PDE8A: variants seen among roughly 807,000 people sequenced by gnomAD.
The protein encoded by PDE8A is high affinity cAMP-specific and IBMX-insensitive 3',5'-cyclic phosphodiesterase 8A.
PDE8A carries 59 observed loss-of-function variants against 105.0 expected under a neutral mutation model. The observed-to-expected ratio is 0.56, with a 90% CI of 0.46 to 0.70. The LOEUF (loss-of-function observed/expected upper bound fraction) is 0.70, where lower values mean the gene tolerates loss of function less well. PDE8A is among the 30% of genes least tolerant of loss of function. PDE8A has a pLI of 0.00. For missense variants in PDE8A, 1,014 were observed against 1,045.9 expected, an observed-to-expected ratio of 0.97 and a Z score of 0.42; for synonymous variants, 355 against 371.9, an observed-to-expected ratio of 0.95 and a Z score of 0.52.
At chr15:85,098,962 G>GA (rs967484150) in intron 9 of PDE8A, among the ~76,000 whole-genome samples, 153 of 135,308 alleles carry the variant, frequency 1.1e-3, no homozygotes, top group African/African-American at 2.0e-3. Context: ...GTCTCAAAAG[G>GA]AAAAAAAAAA....
At chr15:85,128,794 T>G (rs1245494936) in intron 20 of PDE8A, among the ~76,000 whole-genome samples, 1 of 152,176 alleles carries the variant, frequency 6.6e-6, no homozygotes, top group East Asian at 1.9e-4. Context: ...CTGAACATCA[T>G]TAGTCATCTG....
chr15:85,129,122 A>G (rs2082297235), intron 20 of PDE8A, among the ~76,000 whole-genome samples: 1 of 152,212 alleles, frequency 6.6e-6, no homozygotes, highest in African/African-American at 2.4e-5. Context: ...GTCATTGTGT[A>G]TAATCCTTTA....
chr15:85,068,908 A>G (rs567876844), intron 3 of PDE8A, among the ~76,000 whole-genome samples: 1 of 152,360 alleles, frequency 6.6e-6, no homozygotes, highest in Non-Finnish European at 1.5e-5. Flanking sequence ...ACATAACATT[A>G]ACTTTATGTT....
intron 1 of PDE8A, among the ~76,000 whole-genome samples, chr15:85,011,604 C>T (rs1403897738): frequency 6.6e-6 from 1 of 152,130 alleles, no homozygotes; most frequent in East Asian, 1.9e-4. Flanking sequence ...TAGAAGAAAA[C>T]CTAGGCATTA....
chr15:85,009,110 AGTGT>A (rs56313426), intron 1 of PDE8A, among the ~76,000 whole-genome samples: 7,076 of 63,970 alleles, frequency 0.11, 193 homozygotes, highest in South Asian at 0.23. Context: ...AGAGAGAGAG[AGTGT>A]GTGTGTGTGT....
At chr15:85,000,520 C>T (rs910537217) in intron 1 of PDE8A, among the ~76,000 whole-genome samples, 5 of 152,120 alleles carry the variant, frequency 3.3e-5, no homozygotes, top group Admixed American at 3.3e-4. Context: ...TTACTGTGCT[C>T]AGTTTCTGCT....
chr15:85,100,080 G>C lies in PDE8A; in HGVS notation c.993+14G>C, dbSNP rs1567284989. On this transcript the variant is annotated intron_variant, in intron 10 of 21. Coordinates refer to ENST00000394553, the MANE Select transcript of PDE8A (RefSeq NM_002605.3). ...GGCAACAATAAGGTACGTAAGGAGA[G>C]CCCCCCGGGGCCCCAGGAACACCCC... The C allele has an allele frequency of 6.2e-7, 1 of 1,612,928 alleles. No homozygotes were observed. Among genetic ancestry groups the C allele is most frequent in the South Asian group, 1.1e-5 (1 of 90,968 alleles).
chr15:85,079,112 T>C (rs1207930256), intron 5 of PDE8A, among the ~76,000 whole-genome samples: 1 of 152,228 alleles, frequency 6.6e-6, no homozygotes, highest in Non-Finnish European at 1.5e-5. Context: ...TCTTTCTTTA[T>C]AGATGTACCC....
chr15:84,996,510 A>G (rs1290487864), intron 1 of PDE8A, among the ~76,000 whole-genome samples: 1 of 152,062 alleles, frequency 6.6e-6, no homozygotes, highest in Non-Finnish European at 1.5e-5. Flanking sequence ...TAGAAAAAGT[A>G]TAATAAAAAT....
At chr15:85,126,670 C>T (rs28679569) in intron 20 of PDE8A, among the ~76,000 whole-genome samples, 48,388 of 151,440 alleles carry the variant, frequency 0.32, 8,036 homozygotes, top group South Asian at 0.48. Flanking sequence ...TAGAAAAAAC[C>T]TCTCTTGGGG....
intron 3 of PDE8A, among the ~76,000 whole-genome samples, chr15:85,071,562 G>A (rs776313389): frequency 2.6e-5 from 4 of 152,202 alleles, no homozygotes; most frequent in Non-Finnish European, 5.9e-5. Context: ...TTCAGTTTGA[G>A]AATCAGAGAG....
intron 1 of PDE8A, among the ~76,000 whole-genome samples, chr15:84,999,598 C>T (rs554293916): frequency 3.3e-5 from 5 of 151,178 alleles, no homozygotes; most frequent in Admixed American, 6.6e-5. Flanking sequence ...GTTTTTGAGA[C>T]GGAGTCTCGC....
chr15:85,088,033 T>C (rs976941606), intron 6 of PDE8A, among the ~76,000 whole-genome samples: 2 of 152,196 alleles, frequency 1.3e-5, no homozygotes, highest in African/African-American at 4.8e-5. Flanking sequence ...GTCATCACAA[T>C]TTTAGAACAT....
In PDE8A at chr15:85,137,834, C is replaced by T; in HGVS notation, c.2421C>T (p.Asp807=). ...TGCCTGATTTAATGCAGCATCTTGA[C>T]AACAACTTTAAATACTGGAAAGGAC... ...VDLPDLMQHL[D]NNFKYWKGLD... Residue 807 remains aspartate (D), a synonymous_variant, in exon 22 of 22, where the codon GAC becomes GAT. Coordinates refer to ENST00000394553, the MANE Select transcript of PDE8A (RefSeq NM_002605.3). 6.2e-7 allele frequency: 1 copy of T among 1,613,650 alleles called. No individual in the cohort carries two copies. The highest frequency in any genetic ancestry group is 8.5e-7 in the Non-Finnish European group (1 of 1,179,538).
intron 1 of PDE8A, chr15:85,062,834 C>T (rs1028139777): frequency 1.3e-5 from 2 of 152,226 alleles, no homozygotes; most frequent in African/African-American, 2.4e-5. Flanking sequence ...GCAATATTGT[C>T]TAGGTGGGGA....
intron 1 of PDE8A, among the ~76,000 whole-genome samples, chr15:84,987,878 TA>T (rs1054579748): frequency 2.6e-5 from 4 of 151,846 alleles, no homozygotes; most frequent in Non-Finnish European, 4.4e-5. Flanking sequence ...TAAAAAATTT[TA>T]AAAAAAAGAA....
intron 20 of PDE8A, among the ~76,000 whole-genome samples, chr15:85,134,131 T>TG (rs562377395): frequency 3.9e-5 from 6 of 152,164 alleles, no homozygotes; most frequent in Admixed American, 6.5e-5. Context: ...CTTGTCACAT[T>TG]GGGCCAAAGA....
chr15:85,001,381 C>CA (rs753727002), intron 1 of PDE8A, among the ~76,000 whole-genome samples: 1 of 151,748 alleles, frequency 6.6e-6, no homozygotes, highest in African/African-American at 2.4e-5. Flanking sequence ...AAAACAAAAA[C>CA]AAAAAAAGGC....
At chr15:84,981,840 C>A, upstream of PDE8A, 1 of 177,860 alleles carries the variant, frequency 5.6e-6, no homozygotes, top group Non-Finnish European at 1.2e-5. Context: ...TCTCCTCCCC[C>A]TATTTCCCCG....
Sources: gnomAD v4.1 joint callset for allele counts (sites outside exome capture counted in the v4.1 genomes callset) on GRCh38, gnomAD v4.1.1 for gene constraint, MANE v1.5 for transcripts, NCBI Gene and HGNC (gene_info 2026-07-23, HGNC 2026-07-21) for gene names.